The following OVCH1 variants were observed in gnomAD, a reference collection of about 807,000 sequenced individuals.
The protein encoded by OVCH1 is ovochymase 1.
OVCH1 carries 139 observed loss-of-function variants against 138.4 expected under a neutral mutation model. The ratio of observed to expected loss-of-function variants is 1.00; its 90% confidence interval spans 0.87 to 1.16. The LOEUF (loss-of-function observed/expected upper bound fraction) is 1.16, where lower values mean the gene tolerates loss of function less well. OVCH1 is among the 50% of genes most tolerant of loss of function. The pLI, the probability that OVCH1 is intolerant of heterozygous loss-of-function variation, is 0.00. For missense variants in OVCH1, 1,367 were observed against 1,357.9 expected, an observed-to-expected ratio of 1.01 and a Z score of -0.11; for synonymous variants, 453 against 467.8, an observed-to-expected ratio of 0.97 and a Z score of 0.41.
intron 19 of OVCH1, among the ~76,000 whole-genome samples, chr12:29,457,189 T>A (rs1216615328): frequency 6.6e-6 from 1 of 152,150 alleles, no homozygotes; most frequent in African/African-American, 2.4e-5. Flanking sequence ...TTGTTTCCAG[T>A]TGGACAATGG....
intron 3 of OVCH1, among the ~76,000 whole-genome samples, chr12:29,417,200 A>G (rs1941040734): frequency 6.6e-6 from 1 of 151,992 alleles, no homozygotes; most frequent in African/African-American, 2.4e-5. Context: ...GCTATAAAAG[A>G]GCAACACTTT....
At chr12:29,453,859 C>T (rs543711158) in intron 21 of OVCH1, among the ~76,000 whole-genome samples, 2 of 152,114 alleles carry the variant, frequency 1.3e-5, no homozygotes, top group Non-Finnish European at 2.9e-5. Context: ...TTTGCTCTCT[C>T]AATTTATGAT....
rs1435798193 is a variant in OVCH1, at chr12:29,491,084, T to C, written c.550+13A>G. 1.2e-6 allele frequency: 2 copies of C among 1,603,440 alleles called. No individual in the cohort carries two copies. Among genetic ancestry groups the C allele is most frequent in the Non-Finnish European group, 8.5e-7 (1 of 1,170,668 alleles). ...AGCTGGAAGAAGTATTAAGTCATTT[T>C]GGTGTCTCTTACTTTTGGAAATCTT... On this transcript the variant is annotated intron_variant, in intron 5 of 27. Coordinates refer to ENST00000318184, the Ensembl canonical transcript of OVCH1.
chr12:29,482,425 CT>C (rs1429186724), intron 8 of OVCH1, among the ~76,000 whole-genome samples: 2 of 152,108 alleles, frequency 1.3e-5, no homozygotes, highest in South Asian at 4.1e-4. Context: ...CTCCACCCCC[CT>C]TTCTTGCCTT....
chr12:29,478,477 A>G (rs1039002102), intron 9 of OVCH1, among the ~76,000 whole-genome samples: 18 of 152,186 alleles, frequency 1.2e-4, no homozygotes, highest in Non-Finnish European at 4.4e-5. Flanking sequence ...ATTGCATTCA[A>G]TACTGTTAGT....
At chr12:29,407,966 A>G (rs1392762306), downstream of OVCH1, among the ~76,000 whole-genome samples, 3 of 144,320 alleles carry the variant, frequency 2.1e-5, no homozygotes, top group South Asian at 2.3e-4. Flanking sequence ...ATTTGTTTGT[A>G]TCCTCTTTTA....
chr12:29,426,894 T>A (rs1941189072), downstream of OVCH1, among the ~76,000 whole-genome samples: 1 of 152,246 alleles, frequency 6.6e-6, no homozygotes, highest in Non-Finnish European at 1.5e-5. Flanking sequence ...CTTGAAATGT[T>A]GGTATTGTCA....
At chr12:29,407,286 G>A in the OVCH1 span, among the ~76,000 whole-genome samples, 14 of 129,874 alleles carry the variant, frequency 1.1e-4, 3 homozygotes, top group African/African-American at 1.8e-4. Flanking sequence ...AGTTTCTTTC[G>A]CTGTGCAGAA....
chr12:29,409,149 G>A (rs527732887), downstream of OVCH1, among the ~76,000 whole-genome samples: 2 of 151,836 alleles, frequency 1.3e-5, no homozygotes, highest in Non-Finnish European at 1.5e-5. Context: ...GGGATCCGTG[G>A]TGATATCCCC....
At chr12:29,471,725 G>A in intron 16 of OVCH1, 77 bp downstream of exon 16, 9 of 1,405,220 alleles carry the variant, frequency 6.4e-6, no homozygotes, top group Non-Finnish European at 8.6e-6. Flanking sequence ...GATGATCTTA[G>A]TAGTCAGCCT....
intron 3 of OVCH1, among the ~76,000 whole-genome samples, chr12:29,420,718 T>G: frequency 9.4e-5 from 1 of 10,690 alleles, no homozygotes; most frequent in Non-Finnish European, 2.7e-4. Flanking sequence ...GGGTTTCACC[T>G]TGTTAGCCAG....
rs1425211006 is a variant in OVCH1 at position 29,464,545 on chromosome 12, TC to T, written c.2086del (p.Glu696ArgfsTer5). On this transcript the variant is annotated frameshift_variant, in exon 18 of 28. Coordinates refer to ENST00000318184, the Ensembl canonical transcript of OVCH1. LOFTEE classifies it high-confidence loss of function. ...TCCCCATCCGGTCACAGCACAGATC[TC>T]CGAGGAAAATAGAGGCTCTGCGCTG... 1 of 1,613,522 alleles carries T rather than the reference TC, an allele frequency of 6.2e-7. No homozygotes were observed. Among genetic ancestry groups the T allele is most frequent in the East Asian group, 2.2e-5 (1 of 44,856 alleles).
At chr12:29,485,220 C>T (rs1943055175) in intron 8 of OVCH1, among the ~76,000 whole-genome samples, 1 of 149,468 alleles carries the variant, frequency 6.7e-6, no homozygotes, top group South Asian at 2.1e-4. Flanking sequence ...TGCCTGTAGT[C>T]CTACTCAGGA....
chr12:29,447,851 CT>C (rs1315091079), intron 22 of OVCH1, among the ~76,000 whole-genome samples: 1 of 152,024 alleles, frequency 6.6e-6, no homozygotes, highest in Non-Finnish European at 1.5e-5. Flanking sequence ...TGACTATTCT[CT>C]TGTTCATTTA....
chr12:29,476,784 CA>C, intron 12 of OVCH1, among the ~76,000 whole-genome samples: 1 of 134,272 alleles, frequency 7.4e-6, no homozygotes, highest in South Asian at 2.5e-4. Flanking sequence ...CACACACACA[CA>C]CACACACACA....
At chr12:29,468,765 G>A (rs537500050) in intron 16 of OVCH1, among the ~76,000 whole-genome samples, 1 of 152,114 alleles carries the variant, frequency 6.6e-6, no homozygotes, top group African/African-American at 2.4e-5. Flanking sequence ...TTAGCTTGAT[G>A]TAGATACAGA....
chr12:29,410,916 G>T (rs1191394422), downstream of OVCH1, among the ~76,000 whole-genome samples: 5 of 151,866 alleles, frequency 3.3e-5, no homozygotes, highest in East Asian at 1.9e-4. Context: ...TTTCCATCTT[G>T]GTTCCATTCT....
At chr12:29,445,913 C>T (rs993759300) in intron 22 of OVCH1, among the ~76,000 whole-genome samples, 2 of 151,990 alleles carry the variant, frequency 1.3e-5, no homozygotes, top group African/African-American at 4.8e-5. Flanking sequence ...GTGGAAAGAA[C>T]CTGTGAGTTT....
chr12:29,487,480 T>G (rs1270475344), intron 7 of OVCH1: 6 of 444,090 alleles, frequency 1.4e-5, no homozygotes, highest in Non-Finnish European at 1.6e-5. Context: ...AAAAGGCATC[T>G]CATGAAAATT....
Sources: allele counts gnomAD v4.1 joint callset (sites outside exome capture counted in the v4.1 genomes callset), GRCh38; gene constraint gnomAD v4.1.1; transcripts MANE v1.5; gene names NCBI Gene and HGNC (gene_info 2026-07-23, HGNC 2026-07-21).